Variants in FLNB observed in about 807,000 individuals in gnomAD.
FLNB encodes filamin-B.
In FLNB, 111 loss-of-function variants were observed where a neutral mutation model predicts 250.6. That is an observed-to-expected ratio of 0.44 (90% CI 0.38 to 0.52). FLNB has a LOEUF of 0.52. FLNB is among the 20% of genes least tolerant of loss of function. FLNB has a pLI of 0.00. For missense variants in FLNB, 2,869 were observed against 3,447.8 expected (o/e 0.83, Z 4.20); for synonymous variants, 1,302 against 1,372.1 (o/e 0.95, Z 1.13).
intron 4 of FLNB, among the ~76,000 whole-genome samples, chr3:58,092,504 G>A (rs1447778003): frequency 6.6e-6 from 1 of 152,114 alleles, no homozygotes; most frequent in African/African-American, 2.4e-5. Context: ...AAATTATACA[G>A]GTGTGGTGGT....
intron 1 of FLNB, among the ~76,000 whole-genome samples, chr3:58,033,679 C>T (rs1469856172): frequency 1.3e-5 from 2 of 152,190 alleles, no homozygotes; most frequent in Non-Finnish European, 1.5e-5. Context: ...GCATGAGCCA[C>T]TACGCCCTGC....
In FLNB at chr3:58,168,574, A is replaced by T; in HGVS notation, c.7333A>T (p.Met2445Leu). 1.2e-6 allele frequency: 2 copies of T among 1,614,178 alleles called. No homozygotes were observed. The highest frequency in any genetic ancestry group is 3.3e-5 in the Admixed American group (2 of 60,022). The change falls in exon 44 of 46, where the codon ATG becomes TTG. Residue 2445 changes from methionine to leucine, a missense_variant. By Grantham distance (15) the Met-to-Leu change is conservative (BLOSUM62 2). Coordinates refer to ENST00000295956, the MANE Select transcript of FLNB (RefSeq NM_001457.4). ...PEGYKVMYTP[M>L]APGNYLISVK... ...AGGGTACAAAGTCATGTACACCCCCATGGCTCCTGGTAACTACCTGATCAG... is the reference window on the plus strand; with the variant it reads ...AGGGTACAAAGTCATGTACACCCCCTTGGCTCCTGGTAACTACCTGATCAG...
intron 31 of FLNB, 68 bp from the exon 32 acceptor site, chr3:58,143,405 C>T: frequency 6.4e-7 from 1 of 1,572,432 alleles, no homozygotes; most frequent in Non-Finnish European, 8.7e-7. Flanking sequence ...ACATCTGTGC[C>T]TTGGGCTCTG....
Position 58,097,985 on chromosome 3 carries a change from G to C in FLNB, c.1147+8G>C. On this transcript the variant is annotated splice_region_variant and intron_variant, in intron 7 of 45. Coordinates refer to ENST00000295956, the MANE Select transcript of FLNB (RefSeq NM_001457.4). ...TTGACATCTATACGGCAGGTAACGT[G>C]CCTCTCCTCCATGGATCTGACCTTT... 6.2e-7 allele frequency: 1 copy of C among 1,613,748 alleles called. No individual in the cohort carries two copies. Among genetic ancestry groups the C allele is most frequent in the Non-Finnish European group, 8.5e-7 (1 of 1,179,794 alleles).
At chr3:58,123,957 T>C (rs929289768) in intron 21 of FLNB, among the ~76,000 whole-genome samples, 1 of 152,130 alleles carries the variant, frequency 6.6e-6, no homozygotes, top group Non-Finnish European at 1.5e-5. Context: ...GAATCTCTAG[T>C]TTTTTGGCAA....
At chr3:58,013,025 C>G (rs961797234) in intron 1 of FLNB, among the ~76,000 whole-genome samples, 1 of 152,200 alleles carries the variant, frequency 6.6e-6, no homozygotes, top group Non-Finnish European at 1.5e-5. Context: ...TGAAAATTTC[C>G]TTACGTTTCT....
chr3:58,081,607 A>T, intron 3 of FLNB, 22 bp from the exon 4 acceptor site: 1 of 1,613,132 alleles, frequency 6.2e-7, no homozygotes, highest in South Asian at 1.1e-5. Flanking sequence ...CTGGGTGTTC[A>T]TCCACCATGT....
At chr3:58,032,488 C>T (rs1167550690) in intron 1 of FLNB, among the ~76,000 whole-genome samples, 2 of 152,132 alleles carry the variant, frequency 1.3e-5, no homozygotes, top group African/African-American at 4.8e-5. Context: ...TGGGAGCGTC[C>T]AGTCAATAGC....
At chr3:58,051,416 C>A (rs1321651452) in intron 1 of FLNB, among the ~76,000 whole-genome samples, 2 of 152,218 alleles carry the variant, frequency 1.3e-5, no homozygotes, top group African/African-American at 2.4e-5. Context: ...GCCTTGGGCA[C>A]CTCCGGTTCT....
intron 1 of FLNB, among the ~76,000 whole-genome samples, chr3:58,036,027 G>A (rs1435237993): frequency 6.6e-6 from 1 of 152,040 alleles, no homozygotes; most frequent in African/African-American, 2.4e-5. Flanking sequence ...TTAATTAATT[G>A]ACTCAAGACT....
intron 20 of FLNB, among the ~76,000 whole-genome samples, chr3:58,121,941 G>A (rs181721518): frequency 0.016 from 2,450 of 152,094 alleles, 17 homozygotes; most frequent in African/African-American, 0.025. Context: ...AGGCCGAGGC[G>A]GGCGGATCAT....
At chr3:58,077,865 A>G (rs1337299622) in intron 2 of FLNB, among the ~76,000 whole-genome samples, 2 of 152,122 alleles carry the variant, frequency 1.3e-5, no homozygotes, top group Non-Finnish European at 2.9e-5. Flanking sequence ...GGTTGTAATT[A>G]TTCCCACTGG....
chr3:58,031,977 A>G (rs1443136868), intron 1 of FLNB, among the ~76,000 whole-genome samples: 2 of 149,516 alleles, frequency 1.3e-5, no homozygotes, highest in Non-Finnish European at 3.0e-5. Flanking sequence ...CTCCCAGGCT[A>G]GAGTGCAGTG....
Position 58,146,886 on chromosome 3 carries a change from G to C in FLNB, c.5621G>C (p.Gly1874Ala). 6.2e-7 allele frequency: 1 copy of C among 1,614,192 alleles called. No individual in the cohort carries two copies. The highest frequency in any genetic ancestry group is 8.5e-7 in the Non-Finnish European group (1 of 1,180,044). The change falls in exon 34 of 46, where the codon GGG (glycine) becomes GCG (alanine). Residue 1874 changes from glycine to alanine, a missense_variant. Coordinates refer to ENST00000295956, the MANE Select transcript of FLNB (RefSeq NM_001457.4). Reference sequence around the variant, plus strand: ...ATCAGCTGCATTGACAATAAAGATGGGACATGCACAGTGACCTACCTGCCG... The same window carrying C: ...ATCAGCTGCATTGACAATAAAGATGCGACATGCACAGTGACCTACCTGCCG... ...AEISCIDNKD[G>A]TCTVTYLPTL...
At chr3:58,012,561 C>T (rs1229111385) in intron 1 of FLNB, among the ~76,000 whole-genome samples, 2 of 152,152 alleles carry the variant, frequency 1.3e-5, no homozygotes, top group African/African-American at 4.8e-5. Context: ...AGGGTGGTGG[C>T]TGGATACCCA....
chr3:58,149,995 C>T lies in FLNB; in HGVS notation c.6237C>T (p.His2079=), dbSNP rs767109451. 9.9e-6 allele frequency: 16 copies of T among 1,614,160 alleles called. No individual in the cohort carries two copies. The highest frequency in any genetic ancestry group is 1.6e-4 in the Middle Eastern group (1 of 6,084). The stretch of plus-strand genomic sequence containing the variant: ...TCTCCACCAAATTCGCTGACGAGCA[C>T]GTGCCTGGTATGTGCATTCCATTCC... ...YIVSTKFADE[H]VPGSPFTVKI... Residue 2079 remains histidine (H), a synonymous_variant, in exon 37 of 46, where the codon CAC becomes CAT. Coordinates refer to ENST00000295956, the MANE Select transcript of FLNB (RefSeq NM_001457.4).
At chr3:58,168,951 A>C in intron 44 of FLNB, 2 of 372,834 alleles carry the variant, frequency 5.4e-6, no homozygotes, top group Non-Finnish European at 1.0e-5. Context: ...GGGTCTGAAA[A>C]ATCCCCTGAT....
At chr3:58,062,666 C>A (rs2097180247) in intron 1 of FLNB, among the ~76,000 whole-genome samples, 1 of 152,218 alleles carries the variant, frequency 6.6e-6, no homozygotes, top group Non-Finnish European at 1.5e-5. Context: ...GGCCTGCAGA[C>A]TAGAGCACAC....
chr3:58,094,786 A>G (rs1424584297), intron 4 of FLNB, 50 bp from the exon 5 acceptor site: 1 of 1,491,252 alleles, frequency 6.7e-7, no homozygotes, highest in Admixed American at 1.7e-5. Flanking sequence ...GCGATGGCTC[A>G]TGACACACCC....
Sources: gnomAD v4.1 joint callset for allele counts (sites outside exome capture counted in the v4.1 genomes callset) on GRCh38, gnomAD v4.1.1 for gene constraint, MANE v1.5 for transcripts, NCBI Gene and HGNC (gene_info 2026-07-23, HGNC 2026-07-21) for gene names.